TBCK: variants seen among roughly 807,000 people sequenced by gnomAD.
The protein encoded by TBCK is TBC domain-containing protein kinase-like protein.
Under a neutral mutation model 113.4 loss-of-function variants are expected in TBCK, and 99 were observed. That is an observed-to-expected ratio of 0.87 (90% CI 0.74 to 1.03). The LOEUF (loss-of-function observed/expected upper bound fraction) is 1.03, where lower values mean the gene tolerates loss of function less well. Ranked by LOEUF, TBCK falls within the 50% of genes least tolerant of loss-of-function variation. TBCK has a pLI of 0.00. For missense variants in TBCK, 1,045 were observed against 1,061.3 expected (o/e 0.98, Z 0.21); for synonymous variants, 369 against 370.8 (o/e 1.00, Z 0.05).
rs139382902 is a variant in TBCK at position 106,308,711 on chromosome 4, A to G, written c.193+57T>C. On this transcript the variant is annotated intron_variant, in intron 2 of 25. Coordinates refer to ENST00000394708, the MANE Select transcript of TBCK (RefSeq NM_001163435.3). ...TATATATTTAGTGGATATAGTATTT[A>G]TAACTTAGGGTAACAAAGTAGAGAA... 2,185 of 1,477,434 alleles carry G rather than the reference A, an allele frequency of 1.5e-3. 3 individuals carry two copies. The highest frequency in any genetic ancestry group is 1.8e-3 in the Non-Finnish European group (1,953 of 1,083,744). The allele number at this position is 1,477,434 out of a possible 1,614,324, so 91.5% of individuals were successfully genotyped here.
chr4:106,280,713 C>T (rs183458009), intron 3 of TBCK, among the ~76,000 whole-genome samples: 8 of 152,178 alleles, frequency 5.3e-5, no homozygotes, highest in South Asian at 4.1e-4. Flanking sequence ...ATGCTCTTGA[C>T]GCCTTTGGTA....
chr4:106,059,890 C>T (rs375395463), intron 25 of TBCK, among the ~76,000 whole-genome samples: 7 of 151,690 alleles, frequency 4.6e-5, no homozygotes, highest in South Asian at 4.1e-4. Flanking sequence ...AACACACAAA[C>T]GATAAGAAAG....
chr4:106,066,008 TA>T (rs1218249833), intron 25 of TBCK, among the ~76,000 whole-genome samples: 1 of 152,004 alleles, frequency 6.6e-6, no homozygotes, highest in Non-Finnish European at 1.5e-5. Context: ...GTGGTAATTG[TA>T]AAGAAACCAT....
intron 25 of TBCK, among the ~76,000 whole-genome samples, chr4:106,049,369 G>A (rs1734558164): frequency 6.6e-6 from 1 of 151,942 alleles, no homozygotes; most frequent in South Asian, 2.1e-4. Flanking sequence ...ACAGGGGCTG[G>A]GGAGCTGGTT....
chr4:106,217,626 A>T (rs1441431006), intron 19 of TBCK, among the ~76,000 whole-genome samples: 2 of 150,800 alleles, frequency 1.3e-5, no homozygotes, highest in Admixed American at 1.3e-4. Flanking sequence ...CAATTGCTTC[A>T]AAGAGAATAA....
chr4:106,116,366 T>C lies in TBCK; in HGVS notation c.2248A>G (p.Ile750Val). The part of the protein sequence containing the change: ...PPKTDLSRES[I>V]PLNDLKSEVS... ...TCTGACTTCAGGTCATTTAATGGGA[T>C]GGATTCTCTTGACTGAAAAAAAAAA... is the stretch of plus-strand genomic sequence containing the variant. The change falls in exon 24 of 26, where the codon ATC becomes GTC. Residue 750 changes from isoleucine (I) to valine (V), a missense_variant. Transcript: ENST00000394708. The C allele has an allele frequency of 6.2e-7, 1 of 1,606,046 alleles. No individual in the cohort carries two copies. Among genetic ancestry groups the C allele is most frequent in the Non-Finnish European group, 8.5e-7 (1 of 1,177,582 alleles).
At chr4:106,152,456 CT>C (rs1323871450) in intron 23 of TBCK, among the ~76,000 whole-genome samples, 1 of 151,974 alleles carries the variant, frequency 6.6e-6, no homozygotes, top group Non-Finnish European at 1.5e-5. Flanking sequence ...GATGAATGAT[CT>C]TTTCAATGTG....
intron 23 of TBCK, among the ~76,000 whole-genome samples, chr4:106,155,051 T>C (rs189531790): frequency 2.0e-5 from 3 of 152,276 alleles, no homozygotes; most frequent in Admixed American, 6.5e-5. Flanking sequence ...GGTCTGGTAT[T>C]GATGAAATCC....
chr4:106,060,300 G>A (rs1735894212), intron 25 of TBCK, among the ~76,000 whole-genome samples: 1 of 151,706 alleles, frequency 6.6e-6, no homozygotes, highest in African/African-American at 2.4e-5. Context: ...TGGCTTCAAG[G>A]CTTCAAAGGA....
chr4:106,311,065 G>A (rs1768147086), intron 1 of TBCK, among the ~76,000 whole-genome samples: 1 of 152,050 alleles, frequency 6.6e-6, no homozygotes, highest in South Asian at 2.1e-4. Flanking sequence ...CAAAAATTAA[G>A]AAATCTGATA....
At chr4:106,229,654 A>G (rs1394274725) in intron 19 of TBCK, among the ~76,000 whole-genome samples, 1 of 152,048 alleles carries the variant, frequency 6.6e-6, no homozygotes, top group Non-Finnish European at 1.5e-5. Flanking sequence ...GCTCTGTAGT[A>G]TAATTTGAAG....
chr4:106,080,174 A>G (rs1738687844), intron 25 of TBCK, among the ~76,000 whole-genome samples: 1 of 152,192 alleles, frequency 6.6e-6, no homozygotes, highest in South Asian at 2.1e-4. Flanking sequence ...AGAATTAGAA[A>G]AAGCTATTCT....
intron 23 of TBCK, among the ~76,000 whole-genome samples, chr4:106,117,917 G>A (rs987005333): frequency 6.6e-6 from 1 of 151,740 alleles, no homozygotes; most frequent in African/African-American, 2.4e-5. Flanking sequence ...GCTGAGACAG[G>A]AGAATGGCGT....
rs746860249 is a variant in TBCK at position 106,235,347 on chromosome 4, GT to G, written c.1370del (p.Asn457ThrfsTer15). ...RLLKAYPYKK[N>X]QIWKEARVDI... ...CAACTCTTGCTTCTTTCCAGATTTG[GT>G]TTTTTTTATATGGATAAGCCTATGA... On this transcript the variant is annotated frameshift_variant, in exon 15 of 26. Coordinates refer to ENST00000394708, the MANE Select transcript of TBCK (RefSeq NM_001163435.3). LOFTEE classifies it high-confidence loss of function. 2 of 1,606,420 alleles carry G rather than the reference GT, an allele frequency of 1.2e-6. No homozygotes were observed. The highest frequency in any genetic ancestry group is 1.7e-5 in the Admixed American group (1 of 59,430).
rs1336515778 is a variant in TBCK, at chr4:106,044,472, T to A, written c.*2098A>T. ...GATCACAAATGATATAACTATGGAT[T>A]ATATTAGTGTCTTAGAAATACATAG... On this transcript the variant is annotated 3_prime_UTR_variant, in exon 26 of 26. Transcript: ENST00000394708. 6.6e-6 allele frequency: 1 copy of A among 152,200 alleles called. No homozygotes were observed. The highest frequency in any genetic ancestry group is 1.5e-5 in the Non-Finnish European group (1 of 68,036). 9.4% of individuals were successfully genotyped at this position (152,200 alleles called of 1,614,324 possible). A position where few individuals can be genotyped will look rare whatever the true frequency, so the allele number is the denominator to read the frequency against.
intron 3 of TBCK, among the ~76,000 whole-genome samples, chr4:106,285,267 C>T (rs970218229): frequency 6.6e-6 from 1 of 152,074 alleles, no homozygotes; most frequent in Non-Finnish European, 1.5e-5. Context: ...CTTGATAACA[C>T]CTCATAAAAC....
intron 22 of TBCK, among the ~76,000 whole-genome samples, chr4:106,174,734 C>T (rs910918777): frequency 6.6e-6 from 1 of 152,078 alleles, no homozygotes; most frequent in African/African-American, 2.4e-5. Flanking sequence ...TTTGTTCTTA[C>T]TTTCCACGTG....
chr4:106,298,485 C>G (rs931849366), intron 2 of TBCK, among the ~76,000 whole-genome samples: 6 of 151,164 alleles, frequency 4.0e-5, no homozygotes, highest in Non-Finnish European at 7.4e-5. Flanking sequence ...GTGGCAGGTG[C>G]CTGTAGTCCC....
intron 2 of TBCK, among the ~76,000 whole-genome samples, chr4:106,303,387 G>A (rs191116371): frequency 6.6e-6 from 1 of 151,882 alleles, no homozygotes; most frequent in Admixed American, 6.6e-5. Flanking sequence ...GAAAAACTAT[G>A]CATTTTCATT....
Sources: gnomAD v4.1 joint callset for allele counts (sites outside exome capture counted in the v4.1 genomes callset) on GRCh38, gnomAD v4.1.1 for gene constraint, MANE v1.5 for transcripts, NCBI Gene and HGNC (gene_info 2026-07-23, HGNC 2026-07-21) for gene names.